WDR72: variants seen among roughly 807,000 people sequenced by gnomAD.
WDR72 encodes the protein WD repeat-containing protein 72.
A neutral mutation model predicts 124.2 loss-of-function variants in WDR72; 120 were observed. The observed-to-expected ratio is 0.97, with a 90% CI of 0.83 to 1.12. The LOEUF (loss-of-function observed/expected upper bound fraction) is 1.12, where lower values mean the gene tolerates loss of function less well. Among genes scored for constraint, WDR72 ranks in the 50% most tolerant of loss-of-function variants. WDR72 has a pLI of 0.00. For missense variants in WDR72, 1,387 were observed against 1,278.8 expected, an observed-to-expected ratio of 1.08 and a Z score of -1.29; for synonymous variants, 452 against 441.7, an observed-to-expected ratio of 1.02 and a Z score of -0.29.
intron 14 of WDR72, among the ~76,000 whole-genome samples, chr15:53,622,196 C>G (rs1303515102): frequency 6.6e-6 from 1 of 152,100 alleles, no homozygotes; most frequent in African/African-American, 2.4e-5. Flanking sequence ...ATTAGTTCAA[C>G]CACTGAGGAA....
chr15:53,605,595 C>T (rs1279876359), intron 17 of WDR72, among the ~76,000 whole-genome samples: 1 of 152,202 alleles, frequency 6.6e-6, no homozygotes, highest in Non-Finnish European at 1.5e-5. Context: ...TGGTTCACAC[C>T]TGTAATCCCA....
intron 13 of WDR72, among the ~76,000 whole-genome samples, chr15:53,698,688 C>T (rs187970539): frequency 1.3e-5 from 2 of 152,212 alleles, no homozygotes; most frequent in African/African-American, 4.8e-5. Flanking sequence ...TCTAAAACTC[C>T]CCTAATTTTG....
intron 18 of WDR72, among the ~76,000 whole-genome samples, chr15:53,570,992 C>T (rs1464841553): frequency 6.6e-6 from 1 of 152,014 alleles, no homozygotes; most frequent in Non-Finnish European, 1.5e-5. Context: ...AACCAAATAC[C>T]GAATATTCTC....
chr15:53,729,647 T>A (rs921588267), intron 2 of WDR72, among the ~76,000 whole-genome samples: 16 of 152,166 alleles, frequency 1.1e-4, no homozygotes, highest in African/African-American at 3.6e-4. Context: ...AATGCTCATG[T>A]CTTTCACACA....
intron 18 of WDR72, among the ~76,000 whole-genome samples, chr15:53,545,461 T>A (rs1409638934): frequency 6.6e-6 from 1 of 150,724 alleles, no homozygotes; most frequent in Non-Finnish European, 1.5e-5. Context: ...GCTAGCCATA[T>A]GTAGAAAGCT....
At chr15:53,538,107 T>G (rs1410027307) in intron 18 of WDR72, among the ~76,000 whole-genome samples, 1 of 152,166 alleles carries the variant, frequency 6.6e-6, no homozygotes, top group Non-Finnish European at 1.5e-5. Context: ...AATTTTTTGC[T>G]GATAAATTAA....
In WDR72 at chr15:53,712,771, C is replaced by A. The variant is rs967914837; in HGVS notation, c.711+1G>T. On this transcript the variant is annotated splice_donor_variant, in intron 7 of 19. Transcript: ENST00000360509. LOFTEE classifies it high-confidence loss of function. ...GTATTTATTATGTTACTTTATAATACCTTCCAACATTTAGAAAATACCACC... is the reference window on the plus strand; with the variant it reads ...GTATTTATTATGTTACTTTATAATAACTTCCAACATTTAGAAAATACCACC... 1.2e-6 allele frequency: 2 copies of A among 1,611,748 alleles called. No homozygotes were observed. The highest frequency in any genetic ancestry group is 1.7e-6 in the Non-Finnish European group (2 of 1,178,412).
At chr15:53,681,264 A>C (rs947473822) in intron 13 of WDR72, among the ~76,000 whole-genome samples, 1 of 152,112 alleles carries the variant, frequency 6.6e-6, no homozygotes, top group Non-Finnish European at 1.5e-5. Flanking sequence ...GTTGCTAGGG[A>C]ATTGAAAGAA....
chr15:53,672,768 G>C (rs1201367924), intron 13 of WDR72, among the ~76,000 whole-genome samples: 1 of 152,144 alleles, frequency 6.6e-6, no homozygotes, highest in Non-Finnish European at 1.5e-5. Flanking sequence ...ACAGCCAGAA[G>C]TTGTTTCCTT....
At chr15:53,727,677 A>G (rs1369511756) in intron 2 of WDR72, among the ~76,000 whole-genome samples, 1 of 152,170 alleles carries the variant, frequency 6.6e-6, no homozygotes, top group East Asian at 1.9e-4. Context: ...TAAGCAATCA[A>G]TGAGGGAACA....
upstream of WDR72, among the ~76,000 whole-genome samples, chr15:53,762,032 G>A (rs1035650006): frequency 6.6e-6 from 1 of 151,556 alleles, no homozygotes; most frequent in Non-Finnish European, 1.5e-5. Flanking sequence ...TTTTTTTTAA[G>A]GTTTCTCAGT....
intron 13 of WDR72, among the ~76,000 whole-genome samples, chr15:53,683,662 A>C (rs1027079560): frequency 1.5e-4 from 23 of 152,158 alleles, no homozygotes; most frequent in African/African-American, 5.6e-4. Flanking sequence ...CACACACAGA[A>C]TATAGTGAAT....
chr15:53,547,896 A>G (rs554193906), intron 18 of WDR72, among the ~76,000 whole-genome samples: 10 of 152,332 alleles, frequency 6.6e-5, no homozygotes, highest in African/African-American at 2.4e-4. Context: ...ACAAAAGAAA[A>G]CTAGGGTGCT....
chr15:53,742,763 C>T (rs2018542995), intron 1 of WDR72, among the ~76,000 whole-genome samples: 1 of 152,102 alleles, frequency 6.6e-6, no homozygotes, highest in Non-Finnish European at 1.5e-5. Context: ...AACAACAATA[C>T]TGTAGTACAT....
chr15:53,633,908 T>C (rs2014526342), intron 14 of WDR72, among the ~76,000 whole-genome samples: 1 of 152,204 alleles, frequency 6.6e-6, no homozygotes, highest in Non-Finnish European at 1.5e-5. Context: ...GTACCAGTGA[T>C]ATAAAGAATA....
intron 14 of WDR72, among the ~76,000 whole-genome samples, chr15:53,654,135 T>C (rs2015335654): frequency 6.6e-6 from 1 of 152,196 alleles, no homozygotes; most frequent in Non-Finnish European, 1.5e-5. Flanking sequence ...TATGTGTTCA[T>C]GCTGAATGAA....
chr15:53,697,789 A>C (rs1456538084), intron 13 of WDR72, among the ~76,000 whole-genome samples: 1 of 152,204 alleles, frequency 6.6e-6, no homozygotes, highest in African/African-American at 2.4e-5. Context: ...AAGTAGATCA[A>C]AATATTAATA....
At chr15:53,612,726 C>G (rs977341667) in intron 16 of WDR72, among the ~76,000 whole-genome samples, 2 of 152,056 alleles carry the variant, frequency 1.3e-5, no homozygotes, top group African/African-American at 4.8e-5. Flanking sequence ...CTGAGCGAAA[C>G]AGAAGCCACC....
intron 12 of WDR72, 40 bp downstream of exon 12, chr15:53,702,094 A>C (rs1454938588): frequency 6.8e-7 from 1 of 1,464,924 alleles, no homozygotes; most frequent in Non-Finnish European, 9.4e-7. Flanking sequence ...AATTTATATA[A>C]TTTTCAAATT....
Sources: allele counts gnomAD v4.1 joint callset (sites outside exome capture counted in the v4.1 genomes callset), GRCh38; gene constraint gnomAD v4.1.1; transcripts MANE v1.5; gene names NCBI Gene and HGNC (gene_info 2026-07-23, HGNC 2026-07-21).